The following TTC28 variants were observed in gnomAD, a reference collection of about 807,000 sequenced individuals.
TTC28 encodes tetratricopeptide repeat domain 28, also known as tetratricopeptide repeat protein 28.
TTC28 carries 61 observed loss-of-function variants against 198.0 expected under a neutral mutation model. That is an observed-to-expected ratio of 0.31 (90% CI 0.25 to 0.38). TTC28 has a LOEUF of 0.38. TTC28 is among the 10% of genes least tolerant of loss of function. The pLI, the probability that TTC28 is intolerant of heterozygous loss-of-function variation, is 1.00. For missense variants in TTC28, 2,678 were observed against 3,164.0 expected, an observed-to-expected ratio of 0.85 and a Z score of 3.69; for synonymous variants, 1,171 against 1,297.8, an observed-to-expected ratio of 0.90 and a Z score of 2.10.
At chr22:28,168,415 C>T (rs987824885) in intron 5 of TTC28, among the ~76,000 whole-genome samples, 1 of 152,200 alleles carries the variant, frequency 6.6e-6, no homozygotes, top group Non-Finnish European at 1.5e-5. Flanking sequence ...TACCTGACTT[C>T]AAACTATACT....
chr22:28,381,287 T>C (rs1182735459), intron 2 of TTC28, among the ~76,000 whole-genome samples: 1 of 152,104 alleles, frequency 6.6e-6, no homozygotes. Context: ...TCTCAACCAG[T>C]CCAATAGAAA....
At chr22:28,573,633 T>C (rs750032748) in intron 2 of TTC28, among the ~76,000 whole-genome samples, 1 of 152,096 alleles carries the variant, frequency 6.6e-6, no homozygotes, top group Non-Finnish European at 1.5e-5. Flanking sequence ...TAATGCGTAA[T>C]AATCACAGCA....
chr22:28,146,897 C>T (rs1358772095), intron 6 of TTC28, among the ~76,000 whole-genome samples: 1 of 151,972 alleles, frequency 6.6e-6, no homozygotes, highest in Admixed American at 6.6e-5. Flanking sequence ...ATTTACTTCA[C>T]TTTTTAATTG....
intron 2 of TTC28, among the ~76,000 whole-genome samples, chr22:28,500,152 T>C (rs76804938): frequency 0.055 from 8,401 of 152,218 alleles, 351 homozygotes; most frequent in Admixed American, 0.14. Context: ...TTATCACCCC[T>C]AAAAGTTCCA....
At position 28,471,255 on chromosome 22, in the gene TTC28, G is replaced by C. The variant is rs1409525949; in HGVS notation, c.381+158297C>G. Among the ~76,000 whole-genome samples the C allele has an allele frequency of 2.0e-5, 3 of 152,130 alleles. No individual in the cohort carries two copies. The East Asian group carries it at 5.8e-4, about 29-fold the overall frequency. On this transcript the variant is annotated intron_variant, in intron 2 of 22. Transcript: ENST00000397906. ...AGTACCTTTATGGAATAGGTCATTA[G>C]GTGCTGGAACTCTTTGTACCTCAAT... is the stretch of plus-strand genomic sequence containing the variant.
intron 2 of TTC28, among the ~76,000 whole-genome samples, chr22:28,567,858 G>A (rs1281780727): frequency 6.6e-6 from 1 of 151,838 alleles, no homozygotes; most frequent in Non-Finnish European, 1.5e-5. Context: ...CTGCATAAGG[G>A]GAACGAGCGC....
chr22:28,259,046 G>GTTCCCA (rs1336306019), intron 5 of TTC28, among the ~76,000 whole-genome samples: 1 of 152,116 alleles, frequency 6.6e-6, no homozygotes. Flanking sequence ...GTAGTGGGAA[G>GTTCCCA]CTAGAGAAAT....
At chr22:28,555,731 T>A (rs1195175014) in intron 2 of TTC28, among the ~76,000 whole-genome samples, 1 of 152,068 alleles carries the variant, frequency 6.6e-6, no homozygotes, top group Non-Finnish European at 1.5e-5. Flanking sequence ...AGACTACACT[T>A]TGGGCATGCT....
intron 2 of TTC28, among the ~76,000 whole-genome samples, chr22:28,605,812 T>A (rs1302160389): frequency 1.3e-5 from 2 of 152,212 alleles, no homozygotes; most frequent in Non-Finnish European, 2.9e-5. Flanking sequence ...TTAAAAAGTA[T>A]CCCTTTTTAG....
At position 28,098,980 on chromosome 22, in the gene TTC28, T is replaced by C. The variant is rs974118042; in HGVS notation, c.3482A>G (p.Lys1161Arg). Residue 1161 changes from lysine (K) to arginine (R), a missense_variant, in exon 10 of 23, where the codon AAA becomes AGA. Around this residue, in one of 8 missense-constraint regions of TTC28, gnomAD observed 727 missense variants for 861.9 expected, o/e 0.84. Transcript: ENST00000397906. ...RHEAQLSTDYKLSLFDLQTSS... is the reference protein window; with the variant it reads ...RHEAQLSTDYRLSLFDLQTSS... The stretch of plus-strand genomic sequence containing the variant: ...TGTCTGCAGGTCAAAGAGGGAGAGT[T>C]TGTAGTCCGTGCTCAGCTGTGCCTC... 6.9e-5 allele frequency: 107 copies of C among 1,551,674 alleles called. No homozygotes were observed. The highest frequency in any genetic ancestry group is 8.8e-5 in the Non-Finnish European group (101 of 1,147,024).
chr22:28,032,267 AGT>A (rs370005298), intron 12 of TTC28, among the ~76,000 whole-genome samples: 3,430 of 78,468 alleles, frequency 0.044, 172 homozygotes, highest in African/African-American at 0.061. Context: ...ATATATATAT[AGT>A]GTGTGTGTGT....
chr22:28,408,146 G>A (rs1360159186), intron 2 of TTC28, among the ~76,000 whole-genome samples: 1 of 151,776 alleles, frequency 6.6e-6, no homozygotes, highest in African/African-American at 2.4e-5. Flanking sequence ...CTTCCTAAGA[G>A]TTGCACAGGA....
chr22:28,148,203 C>T (rs576370563), intron 6 of TTC28, among the ~76,000 whole-genome samples: 1 of 152,208 alleles, frequency 6.6e-6, no homozygotes, highest in Non-Finnish European at 1.5e-5. Flanking sequence ...TCAATTCAGT[C>T]TTCCTACTAA....
Position 28,182,988 on chromosome 22 carries a change from C to T in TTC28, c.934-19389G>A, listed in dbSNP as rs769494584. On this transcript the variant is annotated intron_variant, in intron 5 of 22. Coordinates refer to ENST00000397906, the MANE Select transcript of TTC28 (RefSeq NM_001145418.2). ...TCAAGCAGCCCTTAAGGAAATCTGG[C>T]ACTCTGTAGGACTCTTCAGAGCAGA... Among the ~76,000 whole-genome samples the T allele has an allele frequency of 4.6e-5, 7 of 151,956 alleles. No homozygotes were observed. The East Asian group carries it at 1.2e-3, about 25-fold the overall frequency.
intron 6 of TTC28, among the ~76,000 whole-genome samples, chr22:28,145,839 G>A (rs1231952775): frequency 6.6e-6 from 1 of 152,162 alleles, no homozygotes; most frequent in African/African-American, 2.4e-5. Flanking sequence ...TTTATTATGT[G>A]TCATTGTTCT....
chr22:28,559,308 A>G (rs1425167848), intron 2 of TTC28, among the ~76,000 whole-genome samples: 1 of 152,212 alleles, frequency 6.6e-6, no homozygotes, highest in Non-Finnish European at 1.5e-5. Flanking sequence ...ATCAGTTCAA[A>G]TAATACTAAA....
chr22:28,506,828 G>C (rs1009008788), intron 2 of TTC28, among the ~76,000 whole-genome samples: 1 of 152,222 alleles, frequency 6.6e-6, no homozygotes, highest in African/African-American at 2.4e-5. Flanking sequence ...CTAAAGAAGA[G>C]TGGTCTATCT....
At chr22:27,992,352 G>A (rs1937445853) in intron 19 of TTC28, 12 of 561,022 alleles carry the variant, frequency 2.1e-5, no homozygotes, top group Non-Finnish European at 3.2e-5. Flanking sequence ...CCATCATGCC[G>A]GTAAGGGGCA....
At chr22:28,399,490 T>A (rs1346094366) in intron 2 of TTC28, among the ~76,000 whole-genome samples, 1 of 151,928 alleles carries the variant, frequency 6.6e-6, no homozygotes, top group Non-Finnish European at 1.5e-5. Flanking sequence ...CTGGCTAGTT[T>A]TTTTTCAGTA....
Sources: gnomAD v4.1 joint callset for allele counts (sites outside exome capture counted in the v4.1 genomes callset) on GRCh38, gnomAD v4.1.1 for gene constraint, gnomAD v4.1.1 regional missense constraint, MANE v1.5 for transcripts, NCBI Gene and HGNC (gene_info 2026-07-23, HGNC 2026-07-21) for gene names.